USP21: variants seen among roughly 807,000 people sequenced by gnomAD.
USP21 encodes ubiquitin carboxyl-terminal hydrolase 21.
USP21 carries 37 observed loss-of-function variants against 70.8 expected under a neutral mutation model. The ratio of observed to expected loss-of-function variants is 0.52; its 90% CI spans 0.40 to 0.69. The LOEUF is 0.69. Among genes scored for constraint, USP21 ranks in the 30% least tolerant of loss-of-function variants. USP21 has a pLI of 0.00. For missense variants in USP21, 584 were observed against 740.8 expected (o/e 0.79, Z 2.46); for synonymous variants, 263 against 283.1 (o/e 0.93, Z 0.71).
At position 161,165,569 on chromosome 1, in the gene USP21, T is replaced by G; in HGVS notation, c.*122T>G. 3.4e-6 allele frequency: 2 copies of G among 582,414 alleles called. No individual in the cohort carries two copies. Among genetic ancestry groups the G allele is most frequent in the Non-Finnish European group, 3.0e-6 (1 of 333,152 alleles). 36.1% of individuals were successfully genotyped at this position (582,414 alleles called of 1,614,324 possible). A position where few individuals can be genotyped will look rare whatever the true frequency, so the allele number is the denominator to read the frequency against. On this transcript the variant is annotated 3_prime_UTR_variant, in exon 14 of 14. Coordinates refer to ENST00000368002, the MANE Select transcript of USP21 (RefSeq NM_001014443.3). ...TCGGGGAGGGGGGAGGGGGTGGTTG[T>G]AGCTCCATTATTTTTTTTATTAAAA...
At position 161,165,397 on chromosome 1, in the gene USP21, G is replaced by A; in HGVS notation, c.1648G>A (p.Gly550Ser). 1 of 1,614,080 alleles carries A rather than the reference G, an allele frequency of 6.2e-7. No individual in the cohort carries two copies. The highest frequency in any genetic ancestry group is 8.5e-7 in the Non-Finnish European group (1 of 1,180,016). The change falls in exon 14 of 14, where the codon GGC (glycine) becomes AGC (serine). Residue 550 changes from glycine (G) to serine (S), a missense_variant. Gly to Ser is a moderately conservative substitution (Grantham distance 56). Transcript: ENST00000368002. ...VSENQVASSE[G>S]YVLFYQLMQE... ...TGAAAACCAGGTGGCATCCAGCGAG[G>A]GCTACGTGCTGTTCTACCAACTGAT...
Position 161,160,700 on chromosome 1 carries a change from GC to G in USP21, c.64del (p.Arg22GlufsTer87). The G allele has an allele frequency of 6.2e-7, 1 of 1,614,136 alleles. No homozygotes were observed. The highest frequency in any genetic ancestry group is 2.2e-5 in the East Asian group (1 of 44,888). ...CCCGAGAGCCACCTGTTAATATCCA[GC>G]CCCGAGTGGGATCCAAGCTACCATT... ...RTREPPVNIQ[P>X]RVGSKLPFAP... On this transcript the variant is annotated frameshift_variant, in exon 3 of 14. Transcript: ENST00000368002. LOFTEE classifies it high-confidence loss of function.
chr1:161,162,420 C>CA lies in USP21; in HGVS notation c.781+32dup, dbSNP rs1657996881. On this transcript the variant is annotated intron_variant, in intron 5 of 13. Coordinates refer to ENST00000368002, the MANE Select transcript of USP21 (RefSeq NM_001014443.3). This position sits in a 1 kb window ranked among gnomAD's most constrained non-coding sequence, Gnocchi z 4.1. The stretch of plus-strand genomic sequence containing the variant: ...GGCAACAACTCCTGCTCCCTCTGTT[C>CA]AAGTCCCTTTTTCCCCAACCACTTG... 6.3e-7 allele frequency: 1 copy of CA among 1,577,640 alleles called. No individual in the cohort carries two copies. The highest frequency in any genetic ancestry group is 8.6e-7 in the Non-Finnish European group (1 of 1,160,308).
At position 161,162,169 on chromosome 1, in the gene USP21, G is replaced by A. The variant is rs933741446; in HGVS notation, c.660+72G>A. The A allele has an allele frequency of 2.0e-5, 32 of 1,612,456 alleles. No individual in the cohort carries two copies. Among genetic ancestry groups the A allele is most frequent in the East Asian group, 4.5e-5 (2 of 44,890 alleles). On this transcript the variant is annotated intron_variant, in intron 4 of 13. Transcript: ENST00000368002. This position sits in a 1 kb window ranked among gnomAD's most constrained non-coding sequence, Gnocchi z 4.1. ...GGTGCTGGGGGTGGGGAAAACCCAC[G>A]AGCTTGGGGAAGGCATGTGGAAGGA... is the stretch of plus-strand genomic sequence containing the variant.
chr1:161,162,702 A>G lies in USP21; in HGVS notation c.869A>G (p.Tyr290Cys). 1 of 1,613,818 alleles carries G rather than the reference A, an allele frequency of 6.2e-7. No individual in the cohort carries two copies. Among genetic ancestry groups the G allele is most frequent in the Non-Finnish European group, 8.5e-7 (1 of 1,179,722 alleles). ...CGATTCCGAGCTGTCTTCCAGAAAT[A>G]TGTTCCCTCCTTCTCTGGATACAGG... ...PTRFRAVFQK[Y>C]VPSFSGYSQQ... Residue 290 changes from tyrosine (Y) to cysteine (C), a missense_variant, in exon 6 of 14, where the codon TAT (tyrosine) becomes TGT (cysteine). Physicochemically the swap from Tyr to Cys is radical, Grantham distance 194 (BLOSUM62 -2). Around this residue, in one of 4 missense-constraint regions of USP21, gnomAD observed 87 missense variants for 162.4 expected, o/e 0.54. Coordinates refer to ENST00000368002, the MANE Select transcript of USP21 (RefSeq NM_001014443.3). The surrounding 1 kb of genome is among the most constrained non-coding windows in gnomAD (Gnocchi z 4.1).
rs757489700 is a variant in USP21 at position 161,164,486 on chromosome 1, A to G, written c.1306-48A>G. 3.3e-5 allele frequency: 53 copies of G among 1,611,200 alleles called. No homozygotes were observed. The highest frequency in any genetic ancestry group is 3.3e-5 in the Admixed American group (2 of 59,968). On this transcript the variant is annotated intron_variant, in intron 10 of 13. Transcript: ENST00000368002. The surrounding 1 kb of genome is among the most constrained non-coding windows in gnomAD (Gnocchi z 4.2). ...GTGGATCGGGGTGTCAGAAAAGCCA[A>G]TTGAGGTTAGGAGCATATTAACCTA...
Position 161,164,652 on chromosome 1 carries a change from T to G in USP21, c.1384+40T>G. ...AGATTCTTACTTCTCTTAGGATACC[T>G]CCCATACATTCTCTTTCCTCCATGT... is the stretch of plus-strand genomic sequence containing the variant. On this transcript the variant is annotated intron_variant, in intron 11 of 13. Transcript: ENST00000368002. The surrounding 1 kb of genome is among the most constrained non-coding windows in gnomAD (Gnocchi z 4.2). The G allele has an allele frequency of 6.2e-7, 1 of 1,612,348 alleles. No homozygotes were observed. The highest frequency in any genetic ancestry group is 2.2e-5 in the East Asian group (1 of 44,870).
rs935089193 is a variant in USP21, at chr1:161,160,795, T to G, written c.155T>G (p.Leu52Arg). ...GGGCCAAACCCCATGTTACGACCTC[T>G]GCCTCCCCGGCCAGGTCTGCCTGAT... ...ASGPNPMLRP[L>R]PPRPGLPDER... is the part of the protein sequence containing the mutation. The change falls in exon 3 of 14, where the codon CTG (leucine) becomes CGG (arginine). Residue 52 changes from leucine (L) to arginine (R), a missense_variant. Coordinates refer to ENST00000368002, the MANE Select transcript of USP21 (RefSeq NM_001014443.3). 51 of 1,614,096 alleles carry G rather than the reference T, an allele frequency of 3.2e-5. No homozygotes were observed. Among genetic ancestry groups the G allele is most frequent in the Middle Eastern group, 1.6e-4 (1 of 6,084 alleles).
Position 161,164,670 on chromosome 1 carries a change from C to G in USP21, c.1384+58C>G. On this transcript the variant is annotated intron_variant, in intron 11 of 13. Coordinates refer to ENST00000368002, the MANE Select transcript of USP21 (RefSeq NM_001014443.3). This position sits in a 1 kb window ranked among gnomAD's most constrained non-coding sequence, Gnocchi z 4.2. ...GGATACCTCCCATACATTCTCTTTC[C>G]TCCATGTTTCCAGAGAATTGAATTT... is the stretch of plus-strand genomic sequence containing the variant. 1 of 1,610,018 alleles carries G rather than the reference C, an allele frequency of 6.2e-7. No homozygotes were observed. Among genetic ancestry groups the G allele is most frequent in the East Asian group, 2.2e-5 (1 of 44,816 alleles).
In USP21 at chr1:161,165,471, G is replaced by A; in HGVS notation, c.*24G>A. The A allele has an allele frequency of 6.3e-7, 1 of 1,592,914 alleles. No individual in the cohort carries two copies. Among genetic ancestry groups the A allele is most frequent in the Non-Finnish European group, 8.6e-7 (1 of 1,161,652 alleles). ...GACACCTCTAAGCTCTGGCACCTGTGAAGCCCTTTAAACACCCTTAAGCCC... is the reference window on the plus strand; with the variant it reads ...GACACCTCTAAGCTCTGGCACCTGTAAAGCCCTTTAAACACCCTTAAGCCC... On this transcript the variant is annotated 3_prime_UTR_variant, in exon 14 of 14. Coordinates refer to ENST00000368002, the MANE Select transcript of USP21 (RefSeq NM_001014443.3).
chr1:161,164,314 A>C lies in USP21; in HGVS notation c.1305+64A>C. 1 of 1,500,880 alleles carries C rather than the reference A, an allele frequency of 6.7e-7. No individual in the cohort carries two copies. The highest frequency in any genetic ancestry group is 9.3e-7 in the Non-Finnish European group (1 of 1,077,672). 93.0% of individuals were successfully genotyped at this position (1,500,880 alleles called of 1,614,324 possible). ...GACCTGGGGGGACTCCATGTGGATA[A>C]AAGGGATTGCATGATGTCTTCATAT... On this transcript the variant is annotated intron_variant, in intron 10 of 13. Transcript: ENST00000368002. The surrounding 1 kb of genome is among the most constrained non-coding windows in gnomAD (Gnocchi z 4.2).
chr1:161,165,607 C>A lies in USP21; in HGVS notation c.*160C>A. ...TTTTTTATTAAAAAATACCCTTCCA[C>A]CTGGAGGCTCCCTTGTCTCCCAGCC... On this transcript the variant is annotated 3_prime_UTR_variant, in exon 14 of 14. Coordinates refer to ENST00000368002, the MANE Select transcript of USP21 (RefSeq NM_001014443.3). 1.7e-6 allele frequency: 1 copy of A among 592,346 alleles called. No homozygotes were observed. Among genetic ancestry groups the A allele is most frequent in the Admixed American group, 3.0e-5 (1 of 33,730 alleles). 36.7% of individuals were successfully genotyped at this position (592,346 alleles called of 1,614,324 possible).
chr1:161,162,193 G>A lies in USP21; in HGVS notation c.661-77G>A, dbSNP rs1053127144. On this transcript the variant is annotated intron_variant, in intron 4 of 13. Coordinates refer to ENST00000368002, the MANE Select transcript of USP21 (RefSeq NM_001014443.3). This position sits in a 1 kb window ranked among gnomAD's most constrained non-coding sequence, Gnocchi z 4.1. The stretch of plus-strand genomic sequence containing the variant: ...CGAGCTTGGGGAAGGCATGTGGAAG[G>A]AGAGCTCTGAAGCTCTTCTAAGGCT... 8.4e-5 allele frequency: 136 copies of A among 1,611,210 alleles called. No individual in the cohort carries two copies. Among genetic ancestry groups the A allele is most frequent in the Non-Finnish European group, 1.1e-4 (130 of 1,177,556 alleles).
chr1:161,163,272 C>T (rs1658099985), intron 7 of USP21, among the ~76,000 whole-genome samples, 198 bp downstream of exon 7: 1 of 152,132 alleles, frequency 6.6e-6, no homozygotes, highest in South Asian at 2.1e-4. Context: ...GGCAGAAGAT[C>T]ATGCTAGGGA....
intron 7 of USP21, 33 bp downstream of exon 7, chr1:161,163,107 T>C: frequency 6.4e-7 from 1 of 1,555,048 alleles, no homozygotes; most frequent in Non-Finnish European, 8.7e-7. Context: ...CCTTTCCCCG[T>C]AGTTTATCAG....
In USP21 at chr1:161,163,106, G is replaced by A. The variant is rs570617908; in HGVS notation, c.1049+32G>A. 105 of 1,555,300 alleles carry A rather than the reference G, an allele frequency of 6.8e-5. No homozygotes were observed. In the East Asian group the frequency reaches 7.2e-4, roughly 11 times the overall value. ...GTCGTTCCCTCTACCTCCTTTCCCC[G>A]TAGTTTATCAGCATCATTCACACTT... is the stretch of plus-strand genomic sequence containing the variant. On this transcript the variant is annotated intron_variant, in intron 7 of 13. Coordinates refer to ENST00000368002, the MANE Select transcript of USP21 (RefSeq NM_001014443.3).
rs1189114834 is a variant in USP21 at position 161,161,721 on chromosome 1, A to T, written c.601-317A>T. 3.8e-5 allele frequency: 18 copies of T among 468,842 alleles called. No individual in the cohort carries two copies. The highest frequency in any genetic ancestry group is 6.2e-5 in the Non-Finnish European group (16 of 258,756). The allele number at this position is 468,842 out of a possible 1,614,324, so 29.0% of individuals were successfully genotyped here. A position where few individuals can be genotyped will look rare whatever the true frequency, so the allele number is the denominator to read the frequency against. On this transcript the variant is annotated intron_variant, in intron 3 of 13. Coordinates refer to ENST00000368002, the MANE Select transcript of USP21 (RefSeq NM_001014443.3). The surrounding 1 kb of genome is among the most constrained non-coding windows in gnomAD (Gnocchi z 4.2). ...GGGGTTTTGGGGGCAGAAAGGTGGG[A>T]GTGGTGAGCAGCTGGGCAACCATGC... is the stretch of plus-strand genomic sequence containing the variant.
In USP21 at chr1:161,160,620, G is replaced by A; in HGVS notation, c.-21G>A. 1.9e-6 allele frequency: 3 copies of A among 1,602,064 alleles called. No homozygotes were observed. Among genetic ancestry groups the A allele is most frequent in the Non-Finnish European group, 2.6e-6 (3 of 1,170,904 alleles). On this transcript the variant is annotated splice_region_variant and 5_prime_UTR_variant, in exon 3 of 14. Transcript: ENST00000368002. The stretch of plus-strand genomic sequence containing the variant: ...TGCTGACACTCTCTTCTCCTCCCAG[G>A]TCCAGCCTGTGGTGTCCACAATGCC...
Position 161,162,508 on chromosome 1 carries a change from C to A in USP21, c.782-107C>A. On this transcript the variant is annotated intron_variant, in intron 5 of 13. Coordinates refer to ENST00000368002, the MANE Select transcript of USP21 (RefSeq NM_001014443.3). This position sits in a 1 kb window ranked among gnomAD's most constrained non-coding sequence, Gnocchi z 4.1. The stretch of plus-strand genomic sequence containing the variant: ...AAATCTGGCAGTTGTATCTACTTTT[C>A]CCAGTGCCTACTTTCCTAAAGGTTA... The A allele has an allele frequency of 6.5e-7, 1 of 1,535,956 alleles. No homozygotes were observed.
Sources: gnomAD v4.1 joint callset for allele counts (sites outside exome capture counted in the v4.1 genomes callset) on GRCh38, gnomAD v4.1.1 for gene constraint, gnomAD v4.1.1 regional missense constraint, Gnocchi (gnomAD v3.1) non-coding constraint, MANE v1.5 for transcripts, NCBI Gene and HGNC (gene_info 2026-07-23, HGNC 2026-07-21) for gene names.